Variants in TBC1D19 observed in about 807,000 individuals in gnomAD.
The protein encoded by TBC1D19 is TBC1 domain family, member 19.
In TBC1D19, 60 loss-of-function variants were observed where a neutral mutation model predicts 89.0. The ratio of observed to expected loss-of-function variants is 0.67; its 90% CI spans 0.55 to 0.84. The LOEUF (loss-of-function observed/expected upper bound fraction) is 0.84. Ranked by LOEUF, TBC1D19 falls within the 40% of genes least tolerant of loss-of-function variation. TBC1D19 has a pLI of 0.00. For synonymous variants in TBC1D19, 189 were observed against 199.7 expected (o/e 0.95, Z 0.45); for missense variants, 500 against 610.8 (o/e 0.82, Z 1.91).
the TBC1D19 span, among the ~76,000 whole-genome samples, chr4:26,816,328 T>G: frequency 6.6e-6 from 1 of 152,214 alleles, no homozygotes; most frequent in Non-Finnish European, 1.5e-5. Flanking sequence ...ACGAAGATTC[T>G]GCACTGTGAA....
chr4:26,781,429 G>A, the TBC1D19 span, among the ~76,000 whole-genome samples: 1 of 152,120 alleles, frequency 6.6e-6, no homozygotes, highest in East Asian at 1.9e-4. Flanking sequence ...CTTCCACTGG[G>A]AGGTCGTGTG....
chr4:26,587,089 A>G (rs1276889513), intron 1 of TBC1D19, among the ~76,000 whole-genome samples: 1 of 152,118 alleles, frequency 6.6e-6, no homozygotes, highest in Non-Finnish European at 1.5e-5. Context: ...ACTTTTTTAT[A>G]TCTGTAGATA....
upstream of TBC1D19, among the ~76,000 whole-genome samples, chr4:26,583,007 T>C (rs977831665): frequency 2.0e-4 from 31 of 152,226 alleles, no homozygotes; most frequent in African/African-American, 7.0e-4. Context: ...ACCAGAGTCC[T>C]ATTGAATTAG....
chr4:26,834,506 G>T, the TBC1D19 span, among the ~76,000 whole-genome samples: 1 of 152,068 alleles, frequency 6.6e-6, no homozygotes, highest in Non-Finnish European at 1.5e-5. Flanking sequence ...ATTTTAAATT[G>T]GGCATAAAAG....
intron 13 of TBC1D19, among the ~76,000 whole-genome samples, chr4:26,715,662 T>C (rs1222466131): frequency 6.8e-6 from 1 of 147,824 alleles, no homozygotes; most frequent in Non-Finnish European, 1.5e-5. Context: ...ATTTCAGACC[T>C]TTTTCCCTTG....
intron 13 of TBC1D19, among the ~76,000 whole-genome samples, chr4:26,703,809 A>T (rs937936084): frequency 6.6e-6 from 1 of 151,792 alleles, no homozygotes; most frequent in Admixed American, 6.6e-5. Context: ...AAAAAAAAAA[A>T]AATTAGCTGG....
intron 4 of TBC1D19, among the ~76,000 whole-genome samples, chr4:26,624,153 C>T (rs1446912075): frequency 1.3e-5 from 2 of 152,124 alleles, no homozygotes; most frequent in Admixed American, 1.3e-4. Flanking sequence ...TTCCCTCTTG[C>T]ATCATTAACA....
chr4:26,796,910 G>A, the TBC1D19 span, among the ~76,000 whole-genome samples: 1 of 152,098 alleles, frequency 6.6e-6, no homozygotes. Context: ...AAATTGAATT[G>A]CAATGATGGT....
intron 13 of TBC1D19, among the ~76,000 whole-genome samples, chr4:26,696,329 C>T (rs543562111): frequency 6.6e-6 from 1 of 152,164 alleles, no homozygotes; most frequent in African/African-American, 2.4e-5. Flanking sequence ...TATATATGCA[C>T]CCGATACAGG....
chr4:26,832,864 T>C, the TBC1D19 span, among the ~76,000 whole-genome samples: 59 of 152,072 alleles, frequency 3.9e-4, no homozygotes, highest in Admixed American at 6.5e-4. Flanking sequence ...CTTGGTGGCA[T>C]GTGCCTGTAA....
chr4:26,833,684 T>C, the TBC1D19 span, among the ~76,000 whole-genome samples: 9 of 152,366 alleles, frequency 5.9e-5, no homozygotes, highest in African/African-American at 2.2e-4. Flanking sequence ...ATGGAACTTG[T>C]GCAGGTTTGT....
chr4:26,665,771 TTGTATG>T (rs1711752095), intron 8 of TBC1D19, among the ~76,000 whole-genome samples: 2 of 151,894 alleles, frequency 1.3e-5, no homozygotes, highest in African/African-American at 4.8e-5. Context: ...TACTGAGTGT[TTGTATG>T]TGTGTGTGTG....
the TBC1D19 span, among the ~76,000 whole-genome samples, chr4:26,837,625 G>A: frequency 6.6e-6 from 1 of 152,182 alleles, no homozygotes; most frequent in Non-Finnish European, 1.5e-5. Flanking sequence ...ACTAGTCATT[G>A]ATATTGATCT....
chr4:26,729,839 C>T (rs1345352485), intron 15 of TBC1D19, among the ~76,000 whole-genome samples: 2 of 152,074 alleles, frequency 1.3e-5, no homozygotes, highest in Non-Finnish European at 1.5e-5. Context: ...GGGACAATGT[C>T]ATATTTATTT....
rs559748865 is a variant in TBC1D19 at position 26,659,296 on chromosome 4, A to G, written c.481-301A>G. On this transcript the variant is annotated intron_variant, in intron 7 of 20. Coordinates refer to ENST00000264866, the MANE Select transcript of TBC1D19 (RefSeq NM_018317.4). The stretch of plus-strand genomic sequence containing the variant: ...CTCTGGTAAAGTGTTATAATCAAGC[A>G]ATTTTTATTTTTTCTAACCACCAAA... Among the ~76,000 whole-genome samples, 4 of 152,110 alleles carry G rather than the reference A, an allele frequency of 2.6e-5. No individual in the cohort carries two copies. The South Asian group carries it at 8.3e-4, about 32-fold the overall frequency.
intron 1 of TBC1D19, among the ~76,000 whole-genome samples, chr4:26,577,757 T>C (rs980917192): frequency 3.9e-5 from 6 of 152,212 alleles, no homozygotes; most frequent in Non-Finnish European, 8.8e-5. Flanking sequence ...CTAGGACTTA[T>C]GAGAGACTGC....
the TBC1D19 span, among the ~76,000 whole-genome samples, chr4:26,804,213 T>G: frequency 6.6e-6 from 1 of 152,176 alleles, no homozygotes; most frequent in Non-Finnish European, 1.5e-5. Flanking sequence ...CGGTGGGATC[T>G]TGGCTCACTG....
chr4:26,603,675 T>C (rs1051731135), intron 1 of TBC1D19, among the ~76,000 whole-genome samples: 7 of 152,138 alleles, frequency 4.6e-5, no homozygotes, highest in Admixed American at 3.3e-4. Flanking sequence ...AAAAGAGATT[T>C]GCAAAAATGT....
chr4:26,627,890 A>G (rs920291114), intron 4 of TBC1D19, among the ~76,000 whole-genome samples: 5 of 151,768 alleles, frequency 3.3e-5, no homozygotes, highest in African/African-American at 7.3e-5. Flanking sequence ...CTTTAGTTTA[A>G]TTAGATCCCA....
Sources: gnomAD v4.1 joint callset for allele counts (sites outside exome capture counted in the v4.1 genomes callset) on GRCh38, gnomAD v4.1.1 for gene constraint, MANE v1.5 for transcripts, NCBI Gene and HGNC (gene_info 2026-07-23, HGNC 2026-07-21) for gene names.